The following RSRP1 variants were observed in gnomAD, a reference collection of about 807,000 sequenced individuals.
RSRP1 encodes the protein arginine/serine-rich protein 1.
In RSRP1, 37 loss-of-function variants were observed where a neutral mutation model predicts 33.0. That is an observed-to-expected ratio of 1.12 (90% confidence interval 0.86 to 1.48). The LOEUF (loss-of-function observed/expected upper bound fraction) is 1.48, where lower values mean the gene tolerates loss of function less well. Ranked by LOEUF, RSRP1 falls within the 40% of genes most tolerant of loss-of-function variation. RSRP1 has a pLI of 0.00. For synonymous variants in RSRP1, 167 were observed against 158.7 expected (o/e 1.05, Z -0.40); for missense variants, 402 against 385.3 (o/e 1.04, Z -0.36).
chr1:25,276,416 T>TA (rs59061341), intron 1 of RSRP1, among the ~76,000 whole-genome samples: 9,405 of 88,496 alleles, frequency 0.11, 1,847 homozygotes, highest in African/African-American at 0.31. Context: ...AATAGTTAAT[T>TA]AAAAAAAAAA....
chr1:25,270,028 G>A (rs1269975942), intron 1 of RSRP1, among the ~76,000 whole-genome samples: 1 of 132,270 alleles, frequency 7.6e-6, no homozygotes, highest in African/African-American at 2.6e-5. Context: ...TGGCTGCCTG[G>A]TTTACAGAGC....
chr1:25,322,085 T>C, intron 1 of RSRP1: 1 of 539,878 alleles, frequency 1.9e-6, no homozygotes, highest in African/African-American at 1.9e-5. Context: ...TAAGGAGCAT[T>C]GCAGGAGGAA....
Position 25,245,309 on chromosome 1 carries a change from AAAAAG to A in RSRP1, c.521-13_521-9del. 3 of 1,604,234 alleles carry A rather than the reference AAAAAG, an allele frequency of 1.9e-6. No individual in the cohort carries two copies. Among genetic ancestry groups the A allele is most frequent in the Non-Finnish European group, 2.6e-6 (3 of 1,174,696 alleles). ...CTAACAGCTCCATTCGATCTAAAAAAAAAAGAGAGAGATTTTAAAATACTCATTAA... is the reference window on the plus strand; with the variant it reads ...CTAACAGCTCCATTCGATCTAAAAAAAGAGAGATTTTAAAATACTCATTAA... On this transcript the variant is annotated splice_polypyrimidine_tract_variant and intron_variant, in intron 2 of 4. Coordinates refer to ENST00000243189, the MANE Select transcript of RSRP1 (RefSeq NM_020317.5).
Position 25,242,675 on chromosome 1 carries a change from C to G in RSRP1, c.787G>C (p.Ala263Pro). 2 of 1,609,874 alleles carry G rather than the reference C, an allele frequency of 1.2e-6. No homozygotes were observed. The highest frequency in any genetic ancestry group is 1.7e-6 in the Non-Finnish European group (2 of 1,179,630). Residue 263 changes from alanine to proline, a missense_variant, in exon 5 of 5, where the codon GCT becomes CCT. Coordinates refer to ENST00000243189, the MANE Select transcript of RSRP1 (RefSeq NM_020317.5). ...GATGCCTCTTCTGTGGCAGCTTTAG[C>G]TGATTTTTGTATTGGCTTTGCTACA... ...NSVAKPIQKS[A>P]KAATEEASSR...
chr1:25,300,953 A>G lies in RSRP1; in HGVS notation c.-67+37025T>C, dbSNP rs768146074. On this transcript the variant is annotated intron_variant, in intron 1 of 1. Transcript: ENST00000561867. ...TACTGGGTTTTATTGCAGACAGACT[A>G]CCACATGAACATGATGCACATCTAC... 8.7e-6 allele frequency: 12 copies of G among 1,378,298 alleles called. 4 individuals are homozygous for G. Among genetic ancestry groups the G allele is most frequent in the Non-Finnish European group, 1.2e-5 (12 of 978,428 alleles). 85.4% of individuals were successfully genotyped at this position (1,378,298 alleles called of 1,614,324 possible). A position where few individuals can be genotyped will look rare whatever the true frequency, so the allele number is the denominator to read the frequency against.
intron 1 of RSRP1, among the ~76,000 whole-genome samples, chr1:25,252,532 CTTT>C (rs535973265): frequency 2.2e-5 from 3 of 135,790 alleles, no homozygotes. Flanking sequence ...GGACCCTGAC[CTTT>C]TTTTTTTTTT....
At chr1:25,337,358 C>A (rs1225525384) in intron 1 of RSRP1, 1 of 151,240 alleles carries the variant, frequency 6.6e-6, no homozygotes. Context: ...GCTCCCTCTC[C>A]GGGGCTGGAT....
rs1355168818 is a variant in RSRP1, at chr1:25,296,093, C to A, written c.-67+41885G>T. 4.4e-5 allele frequency among the ~76,000 whole-genome samples: 5 copies of A among 113,552 alleles called. 1 individual carries two copies. The highest frequency in any genetic ancestry group is 1.0e-4 in the Non-Finnish European group (5 of 47,840). The allele number at this position is 113,552 out of a possible 152,430, so 74.5% of individuals were successfully genotyped here. ...GGCCAGGCTGGTCTCAAACTCCTGACCTCAGGTGATCCACCCGCCTTGGCC... is the reference window on the plus strand; with the variant it reads ...GGCCAGGCTGGTCTCAAACTCCTGAACTCAGGTGATCCACCCGCCTTGGCC... On this transcript the variant is annotated intron_variant, in intron 1 of 1. Transcript: ENST00000561867.
rs748466719 is a variant in RSRP1, at chr1:25,246,526, C to T, written c.438G>A (p.Val146=). 1.9e-6 allele frequency: 3 copies of T among 1,614,126 alleles called. No individual in the cohort carries two copies. The highest frequency in any genetic ancestry group is 2.5e-6 in the Non-Finnish European group (3 of 1,180,052). The part of the protein sequence containing the change: ...GQRYYGFGRT[V]YPEEHSRWRD... ...TCCATCTGCTGTGCTCCTCCGGGTA[C>T]ACTGTGCGACCAAAGCCGTAGTAGC... The change falls in exon 2 of 5, where the codon GTG becomes GTA. Residue 146 remains valine (V), a synonymous_variant. Coordinates refer to ENST00000243189, the MANE Select transcript of RSRP1 (RefSeq NM_020317.5).
Position 25,305,926 on chromosome 1 carries a change from A to G in RSRP1, c.-67+32052T>C, listed in dbSNP as rs928111715. On this transcript the variant is annotated intron_variant, in intron 1 of 1. Transcript: ENST00000561867. ...CTGGATTTTTATTCTGAAGACTAAT[A>G]GGGATTCTAAGGAAGGAACCAGCCT... Among the ~76,000 whole-genome samples, 4 of 131,794 alleles carry G rather than the reference A, an allele frequency of 3.0e-5. 1 individual carries two copies. The highest frequency in any genetic ancestry group is 5.4e-5 in the Non-Finnish European group (3 of 55,864). The allele number at this position is 131,794 out of a possible 152,430, so 86.5% of individuals were successfully genotyped here.
rs558505132 is a variant in RSRP1 at position 25,258,477 on chromosome 1, C to T, written c.-66-11448G>A. ...ACAGGTGTGAGCTACCGTGCCCAGC[C>T]GGCAACTGGTGTTCTCATGGGAGAA... On this transcript the variant is annotated intron_variant, in intron 1 of 1. Transcript: ENST00000561867. Among the ~76,000 whole-genome samples, 5 of 152,262 alleles carry T rather than the reference C, an allele frequency of 3.3e-5. No homozygotes were observed. The East Asian group carries it at 5.8e-4, about 18-fold the overall frequency.
At chr1:25,294,893 G>GT (rs1642812140) in intron 1 of RSRP1, among the ~76,000 whole-genome samples, 1 of 118,572 alleles carries the variant, frequency 8.4e-6, no homozygotes, top group Non-Finnish European at 1.9e-5. Flanking sequence ...GTGGAAGAGA[G>GT]TGAGAGGGCT....
chr1:25,290,855 T>C lies in RSRP1; in HGVS notation c.-66-43826A>G, dbSNP rs552883970. 199 of 1,335,184 alleles carry C rather than the reference T, an allele frequency of 1.5e-4. 25 individuals are homozygous for C. The highest frequency in any genetic ancestry group is 1.1e-3 in the Admixed American group (62 of 55,800). 82.7% of individuals were successfully genotyped at this position (1,335,184 alleles called of 1,614,324 possible). A position where few individuals can be genotyped will look rare whatever the true frequency, so the allele number is the denominator to read the frequency against. ...GGGCCAAAAGCTCCATTTGGTGGGG[T>C]TTCCAGGGTTTTGAAAAATAAAGAC... On this transcript the variant is annotated intron_variant, in intron 1 of 1. Coordinates refer to the RSRP1 transcript ENST00000561867.
At position 25,276,301 on chromosome 1, in the gene RSRP1, T is replaced by C. The variant is rs1208583682; in HGVS notation, c.-66-29272A>G. Among the ~76,000 whole-genome samples, 6 of 129,018 alleles carry C rather than the reference T, an allele frequency of 4.7e-5. 2 individuals are homozygous for C. The highest frequency in any genetic ancestry group is 1.1e-4 in the Non-Finnish European group (6 of 55,206). 84.6% of individuals were successfully genotyped at this position (129,018 alleles called of 152,430 possible). The stretch of plus-strand genomic sequence containing the variant: ...AAAAAGAAAAAGTACAGAAGGATTA[T>C]AGAAACAAGATTGGTCTCATGTGAC... On this transcript the variant is annotated intron_variant, in intron 1 of 1. Coordinates refer to the RSRP1 transcript ENST00000561867.
intron 1 of RSRP1, among the ~76,000 whole-genome samples, chr1:25,285,830 C>A (rs74060760): frequency 0.01 from 1,369 of 134,720 alleles, 208 homozygotes; most frequent in African/African-American, 0.032. Flanking sequence ...TGATGGTAAA[C>A]GTCATCCTAG....
At position 25,311,448 on chromosome 1, in the gene RSRP1, C is replaced by T. The variant is rs1323361513; in HGVS notation, c.-67+26530G>A. ...GCTGAGGCAGGAGAATGGCATGAAC[C>T]CGGGAGGCAGAGCTTGCAGTGAGCC... is the stretch of plus-strand genomic sequence containing the variant. On this transcript the variant is annotated intron_variant, in intron 1 of 1. Coordinates refer to the RSRP1 transcript ENST00000561867. 3.8e-5 allele frequency among the ~76,000 whole-genome samples: 5 copies of T among 130,420 alleles called. 1 individual carries two copies. Among genetic ancestry groups the T allele is most frequent in the Non-Finnish European group, 7.3e-5 (4 of 55,122 alleles). 85.6% of individuals were successfully genotyped at this position (130,420 alleles called of 152,430 possible).
intron 1 of RSRP1, chr1:25,329,327 C>G: frequency 2.6e-6 from 1 of 388,954 alleles, no homozygotes; most frequent in East Asian, 3.5e-5. Context: ...TCACTGCAAC[C>G]TCTACCTCCT....
At chr1:25,330,208 A>C (rs915463652) in intron 1 of RSRP1, 1 of 133,128 alleles carries the variant, frequency 7.5e-6, no homozygotes, top group African/African-American at 2.6e-5. Context: ...TTTGCCAAAC[A>C]GGATGTGGAA....
intron 1 of RSRP1, among the ~76,000 whole-genome samples, chr1:25,255,358 A>C (rs1174572309): frequency 6.6e-6 from 1 of 152,208 alleles, no homozygotes; most frequent in Non-Finnish European, 1.5e-5. Flanking sequence ...CCAAATGATC[A>C]CAGGTAATGT....
Sources: allele counts gnomAD v4.1 joint callset (sites outside exome capture counted in the v4.1 genomes callset), GRCh38; gene constraint gnomAD v4.1.1; transcripts MANE v1.5; gene names NCBI Gene and HGNC (gene_info 2026-07-23, HGNC 2026-07-21).